Variants in SLC24A2 observed in about 807,000 individuals in gnomAD.
SLC24A2 encodes solute carrier family 24 member 2, also known as sodium/potassium/calcium exchanger 2.
SLC24A2 carries 36 observed loss-of-function variants against 62.0 expected under a neutral mutation model. The ratio of observed to expected loss-of-function variants is 0.58; its 90% CI spans 0.44 to 0.77. SLC24A2 has a LOEUF of 0.77. Ranked by LOEUF, SLC24A2 falls within the 30% of genes least tolerant of loss-of-function variation. SLC24A2 has a pLI of 0.00. For missense variants in SLC24A2, 846 were observed against 817.9 expected (o/e 1.03, Z -0.42); for synonymous variants, 358 against 294.0 (o/e 1.22, Z -2.23).
At chr9:19,559,437 A>C (rs978502384) in intron 7 of SLC24A2, among the ~76,000 whole-genome samples, 1 of 152,206 alleles carries the variant, frequency 6.6e-6, no homozygotes, top group African/African-American at 2.4e-5. Flanking sequence ...AGAAAATACG[A>C]TTTTATTCCA....
chr9:19,773,103 A>T (rs1822739355), intron 2 of SLC24A2, among the ~76,000 whole-genome samples: 1 of 152,206 alleles, frequency 6.6e-6, no homozygotes. Context: ...TGAAATGTCC[A>T]CAATAGGCAA....
At chr9:19,520,063 C>T (rs888962279) in intron 10 of SLC24A2, among the ~76,000 whole-genome samples, 2 of 152,090 alleles carry the variant, frequency 1.3e-5, no homozygotes, top group Non-Finnish European at 2.9e-5. Context: ...ATGGTAGACA[C>T]TGTATGAAAA....
intron 2 of SLC24A2, among the ~76,000 whole-genome samples, chr9:19,724,292 T>C (rs964685557): frequency 1.3e-5 from 2 of 152,178 alleles, no homozygotes; most frequent in African/African-American, 4.8e-5. Context: ...TCAGACTTAA[T>C]AAGGAATGCT....
At chr9:20,046,358 T>C in the SLC24A2 span, among the ~76,000 whole-genome samples, 1 of 152,222 alleles carries the variant, frequency 6.6e-6, no homozygotes, top group Admixed American at 6.5e-5. Context: ...TTGCATCTGG[T>C]GACTGTAACT....
At chr9:20,087,914 G>GGTGA in the SLC24A2 span, among the ~76,000 whole-genome samples, 7 of 152,156 alleles carry the variant, frequency 4.6e-5, no homozygotes, top group Admixed American at 1.3e-4. Flanking sequence ...CCAGGGAAGC[G>GGTGA]GTGAGTGAGT....
intron 2 of SLC24A2, among the ~76,000 whole-genome samples, chr9:19,677,180 A>G (rs1819584656): frequency 6.6e-6 from 1 of 152,248 alleles, no homozygotes; most frequent in African/African-American, 2.4e-5. Flanking sequence ...GAATCAACCT[A>G]AATACCCACC....
the SLC24A2 span, among the ~76,000 whole-genome samples, chr9:19,869,951 T>C: frequency 6.6e-6 from 1 of 152,218 alleles, no homozygotes; most frequent in Non-Finnish European, 1.5e-5. Flanking sequence ...AGCAAGGAAC[T>C]TGCTTAGTCT....
the SLC24A2 span, among the ~76,000 whole-genome samples, chr9:20,307,591 C>T: frequency 7.9e-5 from 12 of 152,266 alleles, no homozygotes; most frequent in South Asian, 2.1e-4. Context: ...TCTCATTTGG[C>T]GTTTAGAGTT....
intron 2 of SLC24A2, among the ~76,000 whole-genome samples, chr9:19,660,571 A>G (rs1449238363): frequency 6.6e-6 from 1 of 152,184 alleles, no homozygotes; most frequent in African/African-American, 2.4e-5. Flanking sequence ...AGCTAAGTAA[A>G]GAGAAAGATT....
At chr9:19,995,824 A>G in the SLC24A2 span, among the ~76,000 whole-genome samples, 2 of 152,220 alleles carry the variant, frequency 1.3e-5, no homozygotes, top group African/African-American at 2.4e-5. Context: ...CTGATGTTCA[A>G]CAGATGGGGC....
chr9:19,637,846 G>A (rs536054085), intron 2 of SLC24A2, among the ~76,000 whole-genome samples: 4 of 152,128 alleles, frequency 2.6e-5, no homozygotes, highest in Admixed American at 1.3e-4. Context: ...ATAAATATGC[G>A]GTGGGAGAGG....
the SLC24A2 span, among the ~76,000 whole-genome samples, chr9:19,919,081 G>C: frequency 1.3e-5 from 2 of 152,186 alleles, no homozygotes; most frequent in Non-Finnish European, 2.9e-5. Context: ...ACAATTTCAG[G>C]AGAACTTTTA....
the SLC24A2 span, among the ~76,000 whole-genome samples, chr9:20,228,540 T>A: frequency 2.0e-5 from 3 of 151,936 alleles, no homozygotes; most frequent in Non-Finnish European, 2.9e-5. Context: ...TGACTCCAAG[T>A]GGAAGGGAGT....
intron 2 of SLC24A2, among the ~76,000 whole-genome samples, chr9:19,721,962 CT>C (rs1246976812): frequency 6.6e-6 from 1 of 152,070 alleles, no homozygotes; most frequent in African/African-American, 2.4e-5. Flanking sequence ...CTGTCTTTTA[CT>C]CTCCATCTTC....
the SLC24A2 span, among the ~76,000 whole-genome samples, chr9:19,817,783 G>A: frequency 6.6e-6 from 1 of 152,040 alleles, no homozygotes; most frequent in African/African-American, 2.4e-5. Flanking sequence ...AGGCTGGAGT[G>A]CAGTGGTACA....
At chr9:20,127,276 G>A in the SLC24A2 span, among the ~76,000 whole-genome samples, 1 of 152,076 alleles carries the variant, frequency 6.6e-6, no homozygotes, top group Non-Finnish European at 1.5e-5. Context: ...TTCTGAAAGA[G>A]GGAGGGGGCT....
At chr9:20,137,400 T>C in the SLC24A2 span, among the ~76,000 whole-genome samples, 3 of 152,162 alleles carry the variant, frequency 2.0e-5, no homozygotes, top group Admixed American at 6.5e-5. Context: ...GAAGTTGAAA[T>C]TGGAAGAGCT....
chr9:19,912,911 C>T, the SLC24A2 span, among the ~76,000 whole-genome samples: 1 of 152,242 alleles, frequency 6.6e-6, no homozygotes, highest in African/African-American at 2.4e-5. Context: ...CCTCAACTTA[C>T]AGGCTTGTGA....
chr9:20,245,283 G>T, the SLC24A2 span, among the ~76,000 whole-genome samples: 1 of 152,170 alleles, frequency 6.6e-6, no homozygotes, highest in African/African-American at 2.4e-5. Flanking sequence ...AGTTTCACGG[G>T]TTACCTATGA....
Sources: allele counts gnomAD v4.1 joint callset (sites outside exome capture counted in the v4.1 genomes callset), GRCh38; gene constraint gnomAD v4.1.1; transcripts MANE v1.5; gene names NCBI Gene and HGNC (gene_info 2026-07-23, HGNC 2026-07-21).